The following MKLN1 variants were observed in gnomAD, a reference collection of about 807,000 sequenced individuals.
MKLN1 encodes muskelin.
Under a neutral mutation model 99.0 loss-of-function variants are expected in MKLN1, and 18 were observed. The ratio of observed to expected loss-of-function variants is 0.18; its 90% CI spans 0.13 to 0.27. MKLN1 has a LOEUF of 0.27. Ranked by LOEUF, MKLN1 falls within the 10% of genes least tolerant of loss-of-function variation. MKLN1 has a pLI of 1.00. For synonymous variants in MKLN1, 288 were observed against 293.2 expected (o/e 0.98, Z 0.18); for missense variants, 621 against 875.9 (o/e 0.71, Z 3.67).
rs181193345 is a variant in MKLN1, at chr7:131,401,749, C to T, written c.703+2316C>T. Among the ~76,000 whole-genome samples the T allele has an allele frequency of 1.5e-4, 23 of 152,234 alleles. No individual in the cohort carries two copies. In the East Asian group the frequency reaches 3.3e-3, roughly 22 times the overall value. On this transcript the variant is annotated intron_variant, in intron 6 of 17. Transcript: ENST00000352689. The stretch of plus-strand genomic sequence containing the variant: ...CAAGTCACAAATTTTATTTCCTTTG[C>T]ATGTGCATATAAAAGTTATCTTTCC...
At chr7:131,373,338 T>C (rs1793528774) in intron 1 of MKLN1, among the ~76,000 whole-genome samples, 1 of 152,124 alleles carries the variant, frequency 6.6e-6, no homozygotes, top group South Asian at 2.1e-4. Context: ...GGTATTTATA[T>C]TTAAGTGCTC....
chr7:131,244,124 T>C (rs1797449281), intron 3 of MKLN1, among the ~76,000 whole-genome samples: 1 of 151,924 alleles, frequency 6.6e-6, no homozygotes, highest in African/African-American at 2.4e-5. Context: ...AAAAATCGAG[T>C]GGTACCCGAT....
At chr7:131,306,390 G>A (rs912995790) in intron 3 of MKLN1, among the ~76,000 whole-genome samples, 1 of 152,236 alleles carries the variant, frequency 6.6e-6, no homozygotes, top group African/African-American at 2.4e-5. Flanking sequence ...ACAGGAAGAT[G>A]TGGGAAAATT....
intron 8 of MKLN1, among the ~76,000 whole-genome samples, chr7:131,426,622 G>A (rs761455624): frequency 6.6e-6 from 1 of 152,070 alleles, no homozygotes; most frequent in Non-Finnish European, 1.5e-5. Context: ...AGTGTTTTAT[G>A]TACTGAATTA....
chr7:131,134,665 C>G (rs533898777), intron 1 of MKLN1, among the ~76,000 whole-genome samples: 2 of 152,186 alleles, frequency 1.3e-5, no homozygotes, highest in African/African-American at 2.4e-5. Flanking sequence ...ATAACTGTGT[C>G]TTCAGTGCTA....
At chr7:131,461,337 C>G (rs983808840) in intron 12 of MKLN1, among the ~76,000 whole-genome samples, 21 of 150,906 alleles carry the variant, frequency 1.4e-4, no homozygotes, top group East Asian at 1.9e-4. Context: ...TTCGACTGTA[C>G]CAGACTTTAC....
At chr7:131,231,522 C>T (rs1157686559) in intron 3 of MKLN1, among the ~76,000 whole-genome samples, 2 of 152,058 alleles carry the variant, frequency 1.3e-5, no homozygotes, top group Admixed American at 6.5e-5. Context: ...TACTGTTGCT[C>T]TTGTGGCCAG....
chr7:131,182,749 G>C (rs1796394024), intron 2 of MKLN1, among the ~76,000 whole-genome samples: 1 of 152,074 alleles, frequency 6.6e-6, no homozygotes, highest in African/African-American at 2.4e-5. Flanking sequence ...CTTTTTCTCT[G>C]GCCTGGGCTT....
At chr7:131,132,947 A>AGAAAGAAAGAAAG (rs1182285897) in intron 1 of MKLN1, among the ~76,000 whole-genome samples, 203 of 56,580 alleles carry the variant, frequency 3.6e-3, no homozygotes, top group African/African-American at 4.8e-3. Flanking sequence ...AAAAAAAAAA[A>AGAAAGAAAGAAAG]AAAGAAAGAA....
intron 3 of MKLN1, among the ~76,000 whole-genome samples, chr7:131,210,676 C>T (rs1250851440): frequency 6.6e-5 from 7 of 106,828 alleles, no homozygotes; most frequent in African/African-American, 2.6e-4. Flanking sequence ...GCACTCCAGC[C>T]TGGGAGATCG....
chr7:131,417,771 A>C (rs1372022361), intron 8 of MKLN1, among the ~76,000 whole-genome samples: 1 of 152,328 alleles, frequency 6.6e-6, no homozygotes, highest in Admixed American at 6.5e-5. Context: ...TTCGTTTTAA[A>C]TTTATCATTC....
At chr7:131,203,601 A>G (rs976307412) in intron 3 of MKLN1, among the ~76,000 whole-genome samples, 1 of 152,254 alleles carries the variant, frequency 6.6e-6, no homozygotes, top group African/African-American at 2.4e-5. Flanking sequence ...TTGGAAAAAT[A>G]TGATCTTCAG....
chr7:131,284,644 C>T (rs576211586), intron 3 of MKLN1, among the ~76,000 whole-genome samples: 12 of 152,316 alleles, frequency 7.9e-5, no homozygotes, highest in Admixed American at 3.3e-4. Context: ...TTGCCAGCTA[C>T]GTGAATAGGG....
intron 2 of MKLN1, among the ~76,000 whole-genome samples, chr7:131,169,355 C>T (rs1482840198): frequency 1.3e-5 from 2 of 152,196 alleles, no homozygotes; most frequent in Non-Finnish European, 1.5e-5. Context: ...CCCCAAATAT[C>T]GTTGTATCTG....
intron 7 of MKLN1, among the ~76,000 whole-genome samples, chr7:131,413,142 C>T (rs188882888): frequency 1.2e-3 from 190 of 152,076 alleles, no homozygotes; most frequent in African/African-American, 4.2e-3. Context: ...GATGGCGATA[C>T]GGTACTGACT....
At chr7:131,152,501 C>T (rs200850195) in intron 2 of MKLN1, among the ~76,000 whole-genome samples, 127 of 126,210 alleles carry the variant, frequency 1.0e-3, no homozygotes, top group African/African-American at 2.3e-3. Context: ...TTCTTTTTTT[C>T]TTTTTTTTTT....
At chr7:131,237,945 G>A (rs961692685) in intron 3 of MKLN1, among the ~76,000 whole-genome samples, 1 of 152,060 alleles carries the variant, frequency 6.6e-6, no homozygotes, top group Non-Finnish European at 1.5e-5. Context: ...TCAGGAGTTC[G>A]ACACCAGCCT....
At chr7:131,192,033 T>C (rs1796549625) in intron 2 of MKLN1, among the ~76,000 whole-genome samples, 2 of 112,148 alleles carry the variant, frequency 1.8e-5, no homozygotes, top group Non-Finnish European at 1.9e-5. Context: ...TGTGTGTGTA[T>C]GTGTGTGTGT....
chr7:131,129,761 A>G (rs1795520465), intron 1 of MKLN1, among the ~76,000 whole-genome samples: 1 of 152,144 alleles, frequency 6.6e-6, no homozygotes, highest in South Asian at 2.1e-4. Flanking sequence ...CTTTTTTTAG[A>G]GACGAGGTCT....
Sources: allele counts gnomAD v4.1 joint callset (sites outside exome capture counted in the v4.1 genomes callset), GRCh38; gene constraint gnomAD v4.1.1; transcripts MANE v1.5; gene names NCBI Gene and HGNC (gene_info 2026-07-23, HGNC 2026-07-21).